The following WDFY3 variants were observed in gnomAD, a reference collection of about 807,000 sequenced individuals.
The protein encoded by WDFY3 is WD repeat and FYVE domain-containing protein 3.
A neutral mutation model predicts 409.6 loss-of-function variants in WDFY3; 66 were observed. The ratio of observed to expected loss-of-function variants is 0.16; its 90% confidence interval spans 0.13 to 0.20. The LOEUF (loss-of-function observed/expected upper bound fraction) is 0.20, where lower values mean the gene tolerates loss of function less well. Ranked by LOEUF, WDFY3 falls within the 10% of genes least tolerant of loss-of-function variation. The probability of loss-of-function intolerance (pLI) is 1.00; values close to 1 mark genes in which losing one functional copy is unlikely to be tolerated. For missense variants in WDFY3, 3,031 were observed against 4,298.1 expected, an observed-to-expected ratio of 0.71 and a Z score of 8.24; for synonymous variants, 1,521 against 1,537.1, an observed-to-expected ratio of 0.99 and a Z score of 0.25.
chr4:84,826,926 G>C lies in WDFY3; in HGVS notation c.1012C>G (p.Leu338Val), dbSNP rs749078132. The C allele has an allele frequency of 6.2e-7, 1 of 1,609,916 alleles. No individual in the cohort carries two copies. The change falls in exon 10 of 68, where the codon CTG (leucine) becomes GTG (valine). Residue 338 changes from leucine (L) to valine (V), a missense_variant. This residue lies in a region of WDFY3 where 1,322 missense variants were observed against 1,697.9 expected (regional missense o/e 0.78). Transcript: ENST00000295888. ...CCATATGTTGTTAGGGAAGTTATCA[G>C]ATTAACCAGATCTTTCAAGGCATCT... ...SKDALKDLVN[L>V]ITSLTTYGVS...
intron 49 of WDFY3, among the ~76,000 whole-genome samples, chr4:84,716,537 C>T (rs1174335151): frequency 2.0e-5 from 3 of 151,476 alleles, no homozygotes; most frequent in South Asian, 4.2e-4. Flanking sequence ...TGGCTCACGC[C>T]TGTAATCCCA....
chr4:84,806,950 T>C (rs886700424), intron 15 of WDFY3, among the ~76,000 whole-genome samples: 1 of 152,176 alleles, frequency 6.6e-6, no homozygotes, highest in African/African-American at 2.4e-5. Context: ...CTGTGTATTT[T>C]TATTTTGTGG....
intron 44 of WDFY3, among the ~76,000 whole-genome samples, chr4:84,732,037 A>G (rs1736687605): frequency 6.6e-6 from 1 of 152,214 alleles, no homozygotes; most frequent in Admixed American, 6.5e-5. Context: ...GCTCTTATAA[A>G]AGTAAGTGCT....
rs1755282489 is a variant in WDFY3 at position 84,829,087 on chromosome 4, T to C, written c.873A>G (p.Lys291=). The change falls in exon 9 of 68, where the codon AAA becomes AAG. Residue 291 remains lysine (K), a synonymous_variant. Coordinates refer to ENST00000295888, the MANE Select transcript of WDFY3 (RefSeq NM_014991.6). ...GTGTTTGGGAAACATCGCTGGAATC[T>C]TTGAGGAAACAAGAAAGCCCAGCAA... ...EMFAGLSCFL[K]DSSDVSQTLL... is the part of the protein sequence containing the mutation. 6.2e-7 allele frequency: 1 copy of C among 1,613,886 alleles called. No individual in the cohort carries two copies. Among genetic ancestry groups the C allele is most frequent in the East Asian group, 2.2e-5 (1 of 44,856 alleles).
At chr4:84,908,913 A>T (rs908064965) in intron 2 of WDFY3, among the ~76,000 whole-genome samples, 1 of 152,142 alleles carries the variant, frequency 6.6e-6, no homozygotes, top group Non-Finnish European at 1.5e-5. Context: ...TGTCTTAAAC[A>T]TCTATTCCTA....
At chr4:84,941,818 A>G (rs1772173454) in intron 1 of WDFY3, among the ~76,000 whole-genome samples, 1 of 152,130 alleles carries the variant, frequency 6.6e-6, no homozygotes, top group African/African-American at 2.4e-5. Flanking sequence ...CAGTGGTAAA[A>G]GCACCTAGAT....
At position 84,733,574 on chromosome 4, in the gene WDFY3, C is replaced by T. The variant is rs752153392; in HGVS notation, c.7029G>A (p.Glu2343=). The T allele has an allele frequency of 3.7e-6, 6 of 1,613,984 alleles. No individual in the cohort carries two copies. Among genetic ancestry groups the T allele is most frequent in the Non-Finnish European group, 3.4e-6 (4 of 1,180,014 alleles). ...ACAGCTCGCACTCGATCTGACACCA[C>T]TCTTCTGTCACGTACTTCAGGGCAT... ...QQNALKYVTE[E]WCQIECELLR... is the part of the protein sequence containing the mutation. Residue 2343 remains glutamate (E), a synonymous_variant, in exon 44 of 68, where the codon GAG becomes GAA. Transcript: ENST00000295888.
intron 64 of WDFY3, 58 bp from the exon 65 acceptor site, chr4:84,679,300 T>C: frequency 7.0e-7 from 1 of 1,421,204 alleles, no homozygotes; most frequent in Non-Finnish European, 9.3e-7. Context: ...ACACCCAGCT[T>C]TGTTCTGCTA....
intron 56 of WDFY3, among the ~76,000 whole-genome samples, chr4:84,700,229 AG>A (rs1262288691): frequency 2.6e-5 from 4 of 152,206 alleles, no homozygotes; most frequent in African/African-American, 9.6e-5. Context: ...TTTGGAGACA[AG>A]GTGTCACTTT....
At chr4:84,708,643 T>C (rs1425714799) in intron 53 of WDFY3, among the ~76,000 whole-genome samples, 1 of 151,824 alleles carries the variant, frequency 6.6e-6, no homozygotes, top group Non-Finnish European at 1.5e-5. Flanking sequence ...TGGGCTAAAG[T>C]AATCCTCCCA....
At chr4:84,696,859 A>G in intron 56 of WDFY3, 36 bp from the exon 57 acceptor site, 1 of 1,549,306 alleles carries the variant, frequency 6.5e-7, no homozygotes, top group Non-Finnish European at 8.9e-7. Flanking sequence ...AAAAAAAAAG[A>G]AAGAATGGGA....
chr4:84,764,110 A>G (rs1186673852), intron 32 of WDFY3, among the ~76,000 whole-genome samples: 1 of 152,186 alleles, frequency 6.6e-6, no homozygotes, highest in African/African-American at 2.4e-5. Flanking sequence ...ATGAGATGAT[A>G]TATGTGAACT....
intron 2 of WDFY3, among the ~76,000 whole-genome samples, chr4:84,918,846 C>T (rs1175112070): frequency 2.0e-5 from 3 of 150,800 alleles, no homozygotes. Context: ...TATACACACA[C>T]ACACATATAT....
chr4:84,687,526 A>C (rs1390605956), intron 62 of WDFY3, among the ~76,000 whole-genome samples: 1 of 152,166 alleles, frequency 6.6e-6, no homozygotes, highest in African/African-American at 2.4e-5. Flanking sequence ...TATTTTAATC[A>C]AATTTTGTTC....
chr4:84,766,155 A>T, intron 31 of WDFY3, 97 bp downstream of exon 31: 1 of 1,491,134 alleles, frequency 6.7e-7, no homozygotes, highest in Non-Finnish European at 9.0e-7. Context: ...GGGTTAAAAA[A>T]ATCTATTTAA....
intron 12 of WDFY3, among the ~76,000 whole-genome samples, chr4:84,818,327 A>T (rs2149800148): frequency 6.6e-6 from 1 of 152,054 alleles, no homozygotes; most frequent in African/African-American, 2.4e-5. Context: ...AGTGACTGAA[A>T]TCACTAATTA....
intron 58 of WDFY3, among the ~76,000 whole-genome samples, chr4:84,693,849 T>G (rs921913124): frequency 2.1e-4 from 31 of 149,950 alleles, no homozygotes; most frequent in Non-Finnish European, 3.7e-4. Context: ...GAGCCGAGAT[T>G]GCGCCACTGC....
chr4:84,778,979 A>C (rs1349748909), intron 26 of WDFY3, among the ~76,000 whole-genome samples: 1 of 152,196 alleles, frequency 6.6e-6, no homozygotes, highest in Admixed American at 6.5e-5. Flanking sequence ...GTATAATGAA[A>C]ACATCACAGC....
intron 2 of WDFY3, among the ~76,000 whole-genome samples, chr4:84,921,553 T>A (rs549238425): frequency 1.6e-4 from 24 of 152,036 alleles, no homozygotes; most frequent in African/African-American, 5.1e-4. Flanking sequence ...TATCTGACAT[T>A]TTATCAAATG....
Sources: gnomAD v4.1 joint callset for allele counts (sites outside exome capture counted in the v4.1 genomes callset) on GRCh38, gnomAD v4.1.1 for gene constraint, gnomAD v4.1.1 regional missense constraint, MANE v1.5 for transcripts, NCBI Gene and HGNC (gene_info 2026-07-23, HGNC 2026-07-21) for gene names.